RABGAP1L: variants seen among roughly 807,000 people sequenced by gnomAD.
RABGAP1L encodes rab GTPase-activating protein 1-like.
In RABGAP1L, 63 loss-of-function variants were observed where a neutral mutation model predicts 137.7. The ratio of observed to expected loss-of-function variants is 0.46; its 90% CI spans 0.37 to 0.56. RABGAP1L has a LOEUF of 0.56. Ranked by LOEUF, RABGAP1L falls within the 20% of genes least tolerant of loss-of-function variation. The pLI is 0.00. For synonymous variants in RABGAP1L, 431 were observed against 433.7 expected (o/e 0.99, Z 0.08); for missense variants, 1,095 against 1,244.0 (o/e 0.88, Z 1.80).
rs140758266 is a variant in RABGAP1L, at chr1:174,607,028, T to G, written c.1711-30347T>G. On this transcript the variant is annotated intron_variant, in intron 13 of 25. Coordinates refer to ENST00000681986, the MANE Select transcript of RABGAP1L (RefSeq NM_001366446.1). ...AACACTATGATATTAGTAATCTGGG[T>G]AGGACTGCCAGATGTAGCAAATAAA... 4.0e-3 allele frequency among the ~76,000 whole-genome samples: 607 copies of G among 152,300 alleles called. 6 individuals carry two copies. The highest frequency in any genetic ancestry group is 0.012 in the African/African-American group (491 of 41,568).
intron 12 of RABGAP1L, among the ~76,000 whole-genome samples, chr1:174,393,572 T>A (rs1647430219): frequency 6.6e-6 from 1 of 152,178 alleles, no homozygotes; most frequent in Admixed American, 6.5e-5. Context: ...AGGCCTATGA[T>A]CCGTTTTCAA....
chr1:174,827,024 A>T (rs1262629659), intron 19 of RABGAP1L, among the ~76,000 whole-genome samples: 1 of 152,082 alleles, frequency 6.6e-6, no homozygotes, highest in East Asian at 1.9e-4. Context: ...GGCAGGGTTG[A>T]TTTCTTTTGA....
rs552552167 is a variant in RABGAP1L, at chr1:174,488,118, AC to A, written c.1710+93974del. ...GGTTTTTTTCTGTGTATTTACTGTT[AC>A]TAGTGAGTTTGTACTTTCAGTTTAT... On this transcript the variant is annotated intron_variant, in intron 13 of 25. Coordinates refer to ENST00000681986, the MANE Select transcript of RABGAP1L (RefSeq NM_001366446.1). Among the ~76,000 whole-genome samples the A allele has an allele frequency of 1.3e-3, 199 of 152,190 alleles. 1 individual carries two copies. Among genetic ancestry groups the A allele is most frequent in the African/African-American group, 4.5e-3 (185 of 41,542 alleles).
intron 13 of RABGAP1L, among the ~76,000 whole-genome samples, chr1:174,506,001 T>C (rs896367900): frequency 6.6e-5 from 10 of 152,210 alleles, no homozygotes; most frequent in Non-Finnish European, 1.5e-4. Context: ...TAAACATGAA[T>C]GAACCTGGAA....
intron 10 of RABGAP1L, among the ~76,000 whole-genome samples, chr1:174,304,406 G>T (rs1054146984): frequency 2.0e-5 from 3 of 151,162 alleles, no homozygotes; most frequent in African/African-American, 7.3e-5. Flanking sequence ...AAAATGATTC[G>T]ATTTGCTAAT....
At chr1:174,674,298 C>G (rs1160693810) in intron 14 of RABGAP1L, among the ~76,000 whole-genome samples, 7 of 139,098 alleles carry the variant, frequency 5.0e-5, no homozygotes, top group Non-Finnish European at 1.1e-4. Context: ...TCCATGTGTT[C>G]TCATTGTTCA....
At chr1:174,304,148 C>G (rs1407052744) in intron 10 of RABGAP1L, among the ~76,000 whole-genome samples, 1 of 151,884 alleles carries the variant, frequency 6.6e-6, no homozygotes, top group East Asian at 1.9e-4. Flanking sequence ...TCTCAAATGC[C>G]CTTTATTTTG....
At chr1:174,709,466 TC>T (rs1278091860) in intron 17 of RABGAP1L, among the ~76,000 whole-genome samples, 1 of 152,138 alleles carries the variant, frequency 6.6e-6, no homozygotes, top group Non-Finnish European at 1.5e-5. Context: ...TGATGAAGCT[TC>T]CAGAGGAAGG....
At chr1:174,735,383 A>G (rs1682846254) in intron 17 of RABGAP1L, among the ~76,000 whole-genome samples, 1 of 152,028 alleles carries the variant, frequency 6.6e-6, no homozygotes, top group South Asian at 2.1e-4. Context: ...TAATAGGGTC[A>G]ACTCAATTAA....
chr1:174,174,192 A>AT, intron 1 of RABGAP1L, among the ~76,000 whole-genome samples: 2 of 122,240 alleles, frequency 1.6e-5, no homozygotes, highest in South Asian at 5.5e-4. Flanking sequence ...ATTGGAAAAA[A>AT]AATACACACA....
chr1:174,602,369 C>G (rs544072082), intron 13 of RABGAP1L, among the ~76,000 whole-genome samples: 7 of 152,086 alleles, frequency 4.6e-5, no homozygotes, highest in Admixed American at 2.6e-4. Flanking sequence ...CGTTAGATCT[C>G]GTGAGACTTA....
Position 174,436,729 on chromosome 1 carries a change from C to A in RABGAP1L, c.1710+42584C>A, listed in dbSNP as rs2149214791. Among the ~76,000 whole-genome samples, 5 of 152,270 alleles carry A rather than the reference C, an allele frequency of 3.3e-5. No homozygotes were observed. In the South Asian group the frequency reaches 1.0e-3, roughly 32 times the overall value. ...GGTGTTTTAGACATGAAGTCCTTGT[C>A]CATGCCTATGCTTGAGATCTCAGAA... On this transcript the variant is annotated intron_variant, in intron 13 of 25. Transcript: ENST00000681986.
chr1:174,930,203 A>G (rs1212555801), intron 19 of RABGAP1L, among the ~76,000 whole-genome samples: 1 of 151,896 alleles, frequency 6.6e-6, no homozygotes, highest in Non-Finnish European at 1.5e-5. Flanking sequence ...GTATTTACTT[A>G]TGAGATGGGG....
chr1:174,954,504 G>A (rs1668216078), intron 19 of RABGAP1L, among the ~76,000 whole-genome samples: 1 of 152,092 alleles, frequency 6.6e-6, no homozygotes, highest in Non-Finnish European at 1.5e-5. Context: ...CCCTTTAAAA[G>A]GACATTTTTT....
chr1:174,404,400 GTTCC>G (rs1278616282), intron 13 of RABGAP1L, among the ~76,000 whole-genome samples: 2 of 152,096 alleles, frequency 1.3e-5, no homozygotes, highest in Non-Finnish European at 2.9e-5. Flanking sequence ...AAATCAGTAT[GTTCC>G]TTCCTTCCCC....
At chr1:174,692,750 C>A (rs1678960621) in intron 15 of RABGAP1L, among the ~76,000 whole-genome samples, 1 of 152,110 alleles carries the variant, frequency 6.6e-6, no homozygotes, top group Non-Finnish European at 1.5e-5. Context: ...GACAGAGTCT[C>A]TGTCTTTAAG....
chr1:174,788,095 G>C (rs377487856), intron 18 of RABGAP1L, among the ~76,000 whole-genome samples: 13 of 152,088 alleles, frequency 8.5e-5, no homozygotes, highest in African/African-American at 3.1e-4. Context: ...TGATAACCAG[G>C]GTGTCCCTAA....
rs181231776 is a variant in RABGAP1L at position 174,722,078 on chromosome 1, T to G, written c.2169+19822T>G. On this transcript the variant is annotated intron_variant, in intron 17 of 25. Transcript: ENST00000681986. Reference sequence around the variant, plus strand: ...TCCCTAGTAGTTGGGATTACAGGCATGCGCCACCATGCCCAGCTAATTTTT... The same window carrying G: ...TCCCTAGTAGTTGGGATTACAGGCAGGCGCCACCATGCCCAGCTAATTTTT... Among the ~76,000 whole-genome samples the G allele has an allele frequency of 2.6e-5, 4 of 152,080 alleles. No homozygotes were observed. The East Asian group carries it at 5.8e-4, about 22-fold the overall frequency.
At position 174,448,040 on chromosome 1, in the gene RABGAP1L, T is replaced by G; in HGVS notation, c.1710+53895T>G. The G allele has an allele frequency of 7.7e-7, 1 of 1,292,516 alleles. No individual in the cohort carries two copies. The highest frequency in any genetic ancestry group is 1.1e-6 in the Non-Finnish European group (1 of 914,506). The allele number at this position is 1,292,516 out of a possible 1,614,324, so 80.1% of individuals were successfully genotyped here. On this transcript the variant is annotated intron_variant, in intron 13 of 25. Coordinates refer to ENST00000681986, the MANE Select transcript of RABGAP1L (RefSeq NM_001366446.1). This position sits in a 1 kb window ranked among gnomAD's most constrained non-coding sequence, Gnocchi z 4.2. ...CAGGTTCTGAAACACTCATGTGCGG[T>G]GTTTAACAGATGCTGGGCAGGGCAT...
Sources: gnomAD v4.1 joint callset for allele counts (sites outside exome capture counted in the v4.1 genomes callset) on GRCh38, gnomAD v4.1.1 for gene constraint, Gnocchi (gnomAD v3.1) non-coding constraint, MANE v1.5 for transcripts, NCBI Gene and HGNC (gene_info 2026-07-23, HGNC 2026-07-21) for gene names.